LRRC24: variants seen among roughly 807,000 people sequenced by gnomAD.
LRRC24 encodes leucine-rich repeat-containing protein 24.
A neutral mutation model predicts 15.3 loss-of-function variants in LRRC24; 19 were observed. That is an observed-to-expected ratio of 1.25 (90% CI 0.87 to 1.83). LRRC24 has a LOEUF of 1.83. Among genes scored for constraint, LRRC24 ranks in the 40% most tolerant of loss-of-function variants. The pLI is 0.00. For missense variants in LRRC24, 914 were observed against 723.9 expected, an observed-to-expected ratio of 1.26 and a Z score of -3.01; for synonymous variants, 469 against 359.6, an observed-to-expected ratio of 1.30 and a Z score of -3.44.
At chr8:144,525,156 C>T (rs978584202) in intron 1 of LRRC24, 123 bp from the exon 2 acceptor site, 34 of 582,630 alleles carry the variant, frequency 5.8e-5, no homozygotes, top group Non-Finnish European at 8.8e-5. Flanking sequence ...ATAAAACGTT[C>T]TGGTTTTCTC....
At chr8:144,523,833 A>T (rs1307456935) in intron 4 of LRRC24, 1 of 473,864 alleles carries the variant, frequency 2.1e-6, no homozygotes, top group African/African-American at 2.0e-5. Context: ...CTCCTTTGCA[A>T]TTTTGTCTGC....
At position 144,524,716 on chromosome 8, in the gene LRRC24, G is replaced by T; in HGVS notation, c.163C>A (p.Leu55Met). ...PLGIPPGTQT[L>M]FLQDNNIARL... The stretch of plus-strand genomic sequence containing the variant: ...GCGATGTTGTTGTCCTGCAGGAACA[G>T]TGTCTGCAGGCCGGGGAAAGAGGAG... The change falls in exon 3 of 5, where the codon CTG becomes ATG. Residue 55 changes from leucine to methionine, a missense_variant. Coordinates refer to ENST00000529415, the MANE Select transcript of LRRC24 (RefSeq NM_001024678.4). 1 of 1,452,702 alleles carries T rather than the reference G, an allele frequency of 6.9e-7. No individual in the cohort carries two copies. Among genetic ancestry groups the T allele is most frequent in the South Asian group, 1.4e-5 (1 of 71,778 alleles). 90.0% of individuals were successfully genotyped at this position (1,452,702 alleles called of 1,614,324 possible). A position where few individuals can be genotyped will look rare whatever the true frequency, so the allele number is the denominator to read the frequency against.
Position 144,522,537 on chromosome 8 carries a change from C to T in LRRC24, c.1480G>A (p.Glu494Lys), listed in dbSNP as rs775452212. 5 of 1,524,752 alleles carry T rather than the reference C, an allele frequency of 3.3e-6. No homozygotes were observed. The highest frequency in any genetic ancestry group is 2.5e-5 in the South Asian group (2 of 81,458). The allele number at this position is 1,524,752 out of a possible 1,614,324, so 94.5% of individuals were successfully genotyped here. A position where few individuals can be genotyped will look rare whatever the true frequency, so the allele number is the denominator to read the frequency against. ...CGGAGTCCCGGCCCCGCCCCCTGTT[C>T]CGGGCCGCAGTCAGCGGGCGCCTCC... is the stretch of plus-strand genomic sequence containing the variant. ...PAEAPADCGP[E>K]QGAGPGLRVP... Residue 494 changes from glutamate (E) to lysine (K), a missense_variant, in exon 5 of 5, where the codon GAA becomes AAA. Coordinates refer to ENST00000529415, the MANE Select transcript of LRRC24 (RefSeq NM_001024678.4).
intron 4 of LRRC24, 199 bp downstream of exon 4, chr8:144,523,909 TTC>T: frequency 3.1e-6 from 2 of 641,586 alleles, no homozygotes; most frequent in Non-Finnish European, 2.7e-6. Context: ...AGTTCCTGTC[TTC>T]TGTTTTCCCC....
Position 144,522,883 on chromosome 8 carries a change from C to G in LRRC24, c.1134G>C (p.Pro378=), listed in dbSNP as rs1484129254. ...GCTCGCTGCCGGCGGGGCGGGCGGC[C>G]GGAGGCGGCGGTTGCGCGGGCTGCT... ...QPQQPAQPPP[P]AARPAGSEPR... is the part of the protein sequence containing the mutation. Residue 378 remains proline (P), a synonymous_variant, in exon 5 of 5, where the codon CCG becomes CCC. Coordinates refer to ENST00000529415, the MANE Select transcript of LRRC24 (RefSeq NM_001024678.4). 1.6e-6 allele frequency: 2 copies of G among 1,269,102 alleles called. No individual in the cohort carries two copies. Among genetic ancestry groups the G allele is most frequent in the Non-Finnish European group, 2.0e-6 (2 of 1,014,284 alleles). The allele number at this position is 1,269,102 out of a possible 1,614,324, so 78.6% of individuals were successfully genotyped here. A position where few individuals can be genotyped will look rare whatever the true frequency, so the allele number is the denominator to read the frequency against.
Position 144,522,708 on chromosome 8 carries a change from C to G in LRRC24, c.1309G>C (p.Gly437Arg). 1 of 1,596,800 alleles carries G rather than the reference C, an allele frequency of 6.3e-7. No individual in the cohort carries two copies. Among genetic ancestry groups the G allele is most frequent in the Non-Finnish European group, 8.5e-7 (1 of 1,172,882 alleles). The change falls in exon 5 of 5, where the codon GGG becomes CGG. Residue 437 changes from glycine (G) to arginine (R), a missense_variant. By Grantham distance (125) the Gly-to-Arg change is moderately radical. Coordinates refer to ENST00000529415, the MANE Select transcript of LRRC24 (RefSeq NM_001024678.4). ...AACAGCGCTCCCTCCCCCGGAGGCC[C>G]CCGCGCCTTTTTTCGCCTGCGGCGC... ...RRRRRRKKAR[G>R]PPGEGALFVN...
Position 144,522,746 on chromosome 8 carries a change from A to T in LRRC24, c.1271T>A (p.Met424Lys), listed in dbSNP as rs776040126. ...LALTALLLVA[M>K]ICRRRRRRKK... is the part of the protein sequence containing the mutation. The stretch of plus-strand genomic sequence containing the variant: ...TCGCCTGCGGCGCCGGCGACAGATC[A>T]TGGCGACCAGGAGCAGCGCCGTGAG... The change falls in exon 5 of 5, where the codon ATG becomes AAG. Residue 424 changes from methionine to lysine, a missense_variant. By Grantham distance (95) the Met-to-Lys change is moderately conservative. Transcript: ENST00000529415. 1.3e-5 allele frequency: 20 copies of T among 1,587,654 alleles called. No homozygotes were observed. The East Asian group carries it at 4.7e-4, about 37-fold the overall frequency.
rs754377715 is a variant in LRRC24 at position 144,524,570 on chromosome 8, C to A, written c.309G>T (p.Leu103=). 4 of 1,557,776 alleles carry A rather than the reference C, an allele frequency of 2.6e-6. No homozygotes were observed. The highest frequency in any genetic ancestry group is 2.7e-5 in the African/African-American group (2 of 73,494). The change falls in exon 3 of 5, where the codon CTG becomes CTT. Residue 103 remains leucine (L), a synonymous_variant. Transcript: ENST00000529415. ...AFRAQPRLLE[L]ALTSNRLRGL... ...CGCGCAGCCGGTTGCTAGTGAGCGC[C>A]AGCTCCAGCAGGCGCGGCTGCGCGC...
chr8:144,525,136 C>G (rs1393654757), intron 1 of LRRC24, 103 bp from the exon 2 acceptor site: 1 of 671,638 alleles, frequency 1.5e-6, no homozygotes, highest in South Asian at 4.6e-5. Flanking sequence ...TAAATAGGTT[C>G]AAGAAACTAA....
At position 144,524,910 on chromosome 8, in the gene LRRC24, C is replaced by A; in HGVS notation, c.65G>T (p.Gly22Val). 1 of 1,514,388 alleles carries A rather than the reference C, an allele frequency of 6.6e-7. No individual in the cohort carries two copies. The highest frequency in any genetic ancestry group is 8.8e-7 in the Non-Finnish European group (1 of 1,132,816). 93.8% of individuals were successfully genotyped at this position (1,514,388 alleles called of 1,614,324 possible). A position where few individuals can be genotyped will look rare whatever the true frequency, so the allele number is the denominator to read the frequency against. ...GTAGCAGCGGCAGGCTGCTGGGCAG[C>A]CGGCGGCGCGGAGCGGCAGTAGTAG... is the stretch of plus-strand genomic sequence containing the variant. ...LLLLLPLRAAGCPAACRCYSA... is the reference protein window; with the variant it reads ...LLLLLPLRAAVCPAACRCYSA... Residue 22 changes from glycine (G) to valine (V), a missense_variant, in exon 2 of 5, where the codon GGC (glycine) becomes GTC (valine). Physicochemically the swap from Gly to Val is moderately radical, Grantham distance 109 (BLOSUM62 -3). Transcript: ENST00000529415.
Position 144,522,637 on chromosome 8 carries a change from C to A in LRRC24, c.1380G>T (p.Glu460Asp). 1 of 1,584,102 alleles carries A rather than the reference C, an allele frequency of 6.3e-7. No individual in the cohort carries two copies. The highest frequency in any genetic ancestry group is 2.4e-5 in the East Asian group (1 of 41,762). ...CGTGGCCGCGCTCGTCGCGGAGCTC[C>A]TCTAGCTGTGCGAACGTACAGGGGC... ...LDGPCTFAQL[E>D]ELRDERGHEM... The change falls in exon 5 of 5, where the codon GAG becomes GAT. Residue 460 changes from glutamate (E) to aspartate (D), a missense_variant. Physicochemically the swap from Glu to Asp is conservative, Grantham distance 45 (BLOSUM62 2). Coordinates refer to ENST00000529415, the MANE Select transcript of LRRC24 (RefSeq NM_001024678.4).
chr8:144,526,975 C>G lies in LRRC24; in HGVS notation c.-75G>C, dbSNP rs1368401589. ...GTCCCCTCACCTGACGCTCCCGCGG[C>G]GAGCGGCTCCCCCGCCGTGCAGGTG... On this transcript the variant is annotated 5_prime_UTR_variant, in exon 1 of 5. Transcript: ENST00000529415. 1 of 152,662 alleles carries G rather than the reference C, an allele frequency of 6.6e-6. No individual in the cohort carries two copies. Among genetic ancestry groups the G allele is most frequent in the East Asian group, 1.9e-4 (1 of 5,206 alleles). 9.5% of individuals were successfully genotyped at this position (152,662 alleles called of 1,614,324 possible). A position where few individuals can be genotyped will look rare whatever the true frequency, so the allele number is the denominator to read the frequency against.
At position 144,524,158 on chromosome 8, in the gene LRRC24, G is replaced by T. The variant is rs1338405010; in HGVS notation, c.559C>A (p.Arg187=). 1.9e-6 allele frequency: 3 copies of T among 1,610,040 alleles called. No individual in the cohort carries two copies. The highest frequency in any genetic ancestry group is 2.5e-6 in the Non-Finnish European group (3 of 1,178,064). ...CTGGCCAGGGGCTGCAGGGCCTCTC[G>T]GCTGATGGTGCCCAGCTGGTTCCTG... is the stretch of plus-strand genomic sequence containing the variant. ...LSRNQLGTIS[R]EALQPLASLQ... Residue 187 remains arginine (R), a synonymous_variant, in exon 4 of 5, where the codon CGA becomes AGA. Coordinates refer to ENST00000529415, the MANE Select transcript of LRRC24 (RefSeq NM_001024678.4).
chr8:144,524,152 C>A lies in LRRC24; in HGVS notation c.565G>T (p.Ala189Ser). 6.2e-7 allele frequency: 1 copy of A among 1,609,874 alleles called. No individual in the cohort carries two copies. The highest frequency in any genetic ancestry group is 1.1e-5 in the South Asian group (1 of 91,028). The change falls in exon 4 of 5, where the codon GCC (alanine) becomes TCC (serine). Residue 189 changes from alanine (A) to serine (S), a missense_variant. Transcript: ENST00000529415. ...RNQLGTISRE[A>S]LQPLASLQVL... ...TGCAGACTGGCCAGGGGCTGCAGGG[C>A]CTCTCGGCTGATGGTGCCCAGCTGG...
intron 2 of LRRC24, 43 bp from the exon 3 acceptor site, chr8:144,524,762 G>A: frequency 7.0e-7 from 1 of 1,434,394 alleles, no homozygotes; most frequent in South Asian, 1.4e-5. Flanking sequence ...CGTTGCGGGG[G>A]TCTTCCTCTC....
At chr8:144,523,940 G>C (rs1339947707) in intron 4 of LRRC24, 170 bp downstream of exon 4, 1 of 754,114 alleles carries the variant, frequency 1.3e-6, no homozygotes, top group South Asian at 1.8e-5. Context: ...TGCCTGAGCT[G>C]TATTCCCCAG....
Position 144,524,678 on chromosome 8 carries a change from C to CG in LRRC24, c.200dup (p.Ala69SerfsTer39). 1.4e-6 allele frequency: 2 copies of CG among 1,475,056 alleles called. No individual in the cohort carries two copies. Among genetic ancestry groups the CG allele is most frequent in the Non-Finnish European group, 1.8e-6 (2 of 1,123,942 alleles). 91.4% of individuals were successfully genotyped at this position (1,475,056 alleles called of 1,614,324 possible). A position where few individuals can be genotyped will look rare whatever the true frequency, so the allele number is the denominator to read the frequency against. On this transcript the variant is annotated frameshift_variant, in exon 3 of 5. Coordinates refer to ENST00000529415, the MANE Select transcript of LRRC24 (RefSeq NM_001024678.4). LOFTEE classifies it high-confidence loss of function. The stretch of plus-strand genomic sequence containing the variant: ...GAGCGGCGAGTGGCGCCAGGGCTCC[C>CG]GGCTCTAGGCGGGCGATGTTGTTGT...
rs1353309803 is a variant in LRRC24, at chr8:144,522,507, G to C, written c.1510C>G (p.Pro504Ala). 6.7e-7 allele frequency: 1 copy of C among 1,499,362 alleles called. No homozygotes were observed. The highest frequency in any genetic ancestry group is 2.7e-5 in the East Asian group (1 of 36,460). 92.9% of individuals were successfully genotyped at this position (1,499,362 alleles called of 1,614,324 possible). ...EQGAGPGLRV[P>A]PPVAYEIHC is the part of the protein sequence containing the mutation. The stretch of plus-strand genomic sequence containing the variant: ...TGGATCTCGTAGGCGACCGGCGGGG[G>C]CACGCGGAGTCCCGGCCCCGCCCCC... Residue 504 changes from proline to alanine, a missense_variant, in exon 5 of 5, where the codon CCC (proline) becomes GCC (alanine). Pro to Ala is a conservative substitution (Grantham distance 27). Coordinates refer to ENST00000529415, the MANE Select transcript of LRRC24 (RefSeq NM_001024678.4).
chr8:144,523,433 G>T, intron 4 of LRRC24, 24 bp from the exon 5 acceptor site: 1 of 1,509,440 alleles, frequency 6.6e-7, no homozygotes, highest in Admixed American at 2.2e-5. Context: ...GCGTTAGGCA[G>T]GTGGCTTGAG....
Sources: allele counts gnomAD v4.1 joint callset, GRCh38; gene constraint gnomAD v4.1.1; transcripts MANE v1.5; gene names NCBI Gene and HGNC (gene_info 2026-07-23, HGNC 2026-07-21).